Variants in MACROD2 observed in about 807,000 individuals in gnomAD.
MACROD2 encodes the protein ADP-ribose glycohydrolase MACROD2.
MACROD2 carries 36 observed loss-of-function variants against 70.4 expected under a neutral mutation model. The observed-to-expected ratio is 0.51, with a 90% CI of 0.39 to 0.68. The LOEUF (loss-of-function observed/expected upper bound fraction) is 0.68. Among genes scored for constraint, MACROD2 ranks in the 30% least tolerant of loss-of-function variants. The probability of loss-of-function intolerance (pLI) is 0.00; values close to 1 mark genes in which losing one functional copy is unlikely to be tolerated. For missense variants in MACROD2, 496 were observed against 538.4 expected, an observed-to-expected ratio of 0.92 and a Z score of 0.78; for synonymous variants, 172 against 178.8, an observed-to-expected ratio of 0.96 and a Z score of 0.30.
chr20:14,746,726 A>G (rs57181214), intron 5 of MACROD2, among the ~76,000 whole-genome samples: 4,019 of 152,268 alleles, frequency 0.026, 195 homozygotes, highest in African/African-American at 0.091. Context: ...TAACGCATTA[A>G]TGTGCTGCTA....
At chr20:15,891,354 G>A (rs187076058) in intron 10 of MACROD2, among the ~76,000 whole-genome samples, 9 of 152,230 alleles carry the variant, frequency 5.9e-5, no homozygotes, top group East Asian at 1.9e-4. Flanking sequence ...TGTGGTAAGC[G>A]GGGCCCCAAT....
intron 3 of MACROD2, among the ~76,000 whole-genome samples, chr20:14,112,212 G>C (rs2054460245): frequency 6.6e-6 from 1 of 151,956 alleles, no homozygotes; most frequent in Admixed American, 6.6e-5. Context: ...CTAGAGGCTG[G>C]GAAGGGTAGT....
intron 4 of MACROD2, chr20:14,547,248 G>T: frequency 1.7e-6 from 1 of 590,462 alleles, no homozygotes; most frequent in Non-Finnish European, 2.4e-6. Flanking sequence ...AGGGACACGT[G>T]AAGGATCTCA....
chr20:15,481,115 T>G (rs925728151), intron 7 of MACROD2, among the ~76,000 whole-genome samples: 4 of 152,256 alleles, frequency 2.6e-5, no homozygotes, highest in African/African-American at 9.6e-5. Flanking sequence ...ATACCATGCT[T>G]AAGTTGATAC....
chr20:15,791,744 A>G (rs993732613), intron 8 of MACROD2, among the ~76,000 whole-genome samples: 1 of 152,066 alleles, frequency 6.6e-6, no homozygotes, highest in African/African-American at 2.4e-5. Flanking sequence ...ACCCATATGA[A>G]GAAAACTTGA....
chr20:15,702,384 T>C (rs899046170), intron 8 of MACROD2, among the ~76,000 whole-genome samples: 1 of 152,214 alleles, frequency 6.6e-6, no homozygotes, highest in Admixed American at 6.5e-5. Context: ...TGATATTTCA[T>C]TGTGGTTTTG....
intron 3 of MACROD2, among the ~76,000 whole-genome samples, chr20:14,350,865 T>C (rs2083116980): frequency 6.6e-6 from 1 of 152,196 alleles, no homozygotes; most frequent in African/African-American, 2.4e-5. Flanking sequence ...CCCTTATGAG[T>C]TTCCTCATAG....
At chr20:14,410,303 G>A (rs1299960947) in intron 3 of MACROD2, among the ~76,000 whole-genome samples, 1 of 151,136 alleles carries the variant, frequency 6.6e-6, no homozygotes, top group Non-Finnish European at 1.5e-5. Context: ...GTGTCACTGG[G>A]GTTTGTTGTA....
intron 6 of MACROD2, among the ~76,000 whole-genome samples, chr20:15,322,809 A>G (rs1230597932): frequency 6.9e-6 from 1 of 144,090 alleles, no homozygotes; most frequent in Non-Finnish European, 1.6e-5. Context: ...TCTTTTTATA[A>G]TAGAAGCATG....
intron 2 of MACROD2, chr20:14,052,987 A>AT (rs1413053745): frequency 1.3e-5 from 2 of 152,006 alleles, no homozygotes; most frequent in Admixed American, 6.5e-5. Flanking sequence ...ATGAAACCAT[A>AT]TAATAGTAGA....
chr20:15,743,851 C>G (rs1353596737), intron 8 of MACROD2, among the ~76,000 whole-genome samples: 1 of 152,100 alleles, frequency 6.6e-6, no homozygotes, highest in Admixed American at 6.6e-5. Context: ...ATTTTTAATT[C>G]TTTTGATTAT....
chr20:15,767,679 T>C (rs2051550231), intron 8 of MACROD2, among the ~76,000 whole-genome samples: 1 of 152,228 alleles, frequency 6.6e-6, no homozygotes, highest in South Asian at 2.1e-4. Context: ...ATCACATTCA[T>C]GTTTACAAGC....
chr20:14,238,570 G>A (rs992677304), intron 3 of MACROD2, among the ~76,000 whole-genome samples: 8 of 152,290 alleles, frequency 5.3e-5, no homozygotes, highest in African/African-American at 1.4e-4. Context: ...AGTCAGGCAA[G>A]AGAAAGATAT....
Position 15,539,693 on chromosome 20 carries a change from T to A in MACROD2, c.645+39846T>A, listed in dbSNP as rs541800369. 2.0e-5 allele frequency among the ~76,000 whole-genome samples: 3 copies of A among 152,264 alleles called. No individual in the cohort carries two copies. In the South Asian group the frequency reaches 6.2e-4, roughly 32 times the overall value. On this transcript the variant is annotated intron_variant, in intron 8 of 17. Coordinates refer to ENST00000684519, the MANE Select transcript of MACROD2 (RefSeq NM_001351661.2). ...CACATTCACTCAGTAAATAACTACTTAGAAGGTTCTTGAGCCGGGCACGGT... is the reference window on the plus strand; with the variant it reads ...CACATTCACTCAGTAAATAACTACTAAGAAGGTTCTTGAGCCGGGCACGGT...
intron 3 of MACROD2, among the ~76,000 whole-genome samples, chr20:14,244,908 A>G (rs2122246059): frequency 6.6e-6 from 1 of 152,290 alleles, no homozygotes; most frequent in East Asian, 1.9e-4. Flanking sequence ...ATAAAACCCT[A>G]AGCACACAGT....
intron 5 of MACROD2, among the ~76,000 whole-genome samples, chr20:15,111,675 G>T (rs541029371): frequency 6.6e-6 from 1 of 152,310 alleles, no homozygotes; most frequent in African/African-American, 2.4e-5. Flanking sequence ...CACTTTGGAA[G>T]ATGCCAGAGA....
intron 3 of MACROD2, among the ~76,000 whole-genome samples, chr20:14,396,883 C>T (rs551795581): frequency 3.3e-4 from 47 of 142,218 alleles, no homozygotes; most frequent in Non-Finnish European, 5.9e-4. Flanking sequence ...TGAGATCACA[C>T]CACTGCACTC....
At chr20:14,561,585 A>G (rs1979437261) in intron 4 of MACROD2, among the ~76,000 whole-genome samples, 1 of 151,686 alleles carries the variant, frequency 6.6e-6, no homozygotes, top group Non-Finnish European at 1.5e-5. Flanking sequence ...TGGGGGGTAA[A>G]CTTTTTATTT....
chr20:15,080,034 C>T (rs113210171), intron 5 of MACROD2, among the ~76,000 whole-genome samples: 15,305 of 151,668 alleles, frequency 0.1, 931 homozygotes, highest in Middle Eastern at 0.18. Flanking sequence ...GGCCCTCACT[C>T]ACTTGATGTT....
Sources: gnomAD v4.1 joint callset for allele counts (sites outside exome capture counted in the v4.1 genomes callset) on GRCh38, gnomAD v4.1.1 for gene constraint, MANE v1.5 for transcripts, NCBI Gene and HGNC (gene_info 2026-07-23, HGNC 2026-07-21) for gene names.